Variants in HHLA2 observed in about 807,000 individuals in gnomAD.
The protein encoded by HHLA2 is HERV-H LTR-associating protein 2.
HHLA2 carries 48 observed loss-of-function variants against 45.9 expected under a neutral mutation model. The observed-to-expected ratio is 1.05, with a 90% CI of 0.83 to 1.33. The LOEUF is 1.33. Ranked by LOEUF, HHLA2 falls within the 40% of genes most tolerant of loss-of-function variation. The probability of loss-of-function intolerance (pLI) is 0.00; values close to 1 mark genes in which losing one functional copy is unlikely to be tolerated. For missense variants in HHLA2, 462 were observed against 494.3 expected, an observed-to-expected ratio of 0.93 and a Z score of 0.62; for synonymous variants, 161 against 173.9, an observed-to-expected ratio of 0.93 and a Z score of 0.59.
chr3:108,377,237 G>C (rs2082290464), intron 10 of HHLA2, 21 bp from the exon 10 acceptor site: 2 of 1,468,266 alleles, frequency 1.4e-6, no homozygotes, highest in Non-Finnish European at 1.9e-6. Flanking sequence ...GACATTTAGA[G>C]TCTATTTTTC....
chr3:108,315,838 G>C (rs1002625834), intron 2 of HHLA2, among the ~76,000 whole-genome samples: 1 of 152,316 alleles, frequency 6.6e-6, no homozygotes, highest in Non-Finnish European at 1.5e-5. Context: ...GGCCCTTAAA[G>C]CTACCTCCTT....
intron 8 of HHLA2, among the ~76,000 whole-genome samples, chr3:108,374,551 A>C (rs1191595545): frequency 3.3e-5 from 5 of 151,390 alleles, no homozygotes; most frequent in African/African-American, 1.2e-4. Flanking sequence ...CAACCTACAG[A>C]ATGGGAGAAA....
intron 2 of HHLA2, among the ~76,000 whole-genome samples, chr3:108,321,112 A>AAAAAAAAAAAAAAAAAAAAAAAAAAT (rs1491275001): frequency 1.3e-5 from 2 of 149,612 alleles, no homozygotes; most frequent in African/African-American, 4.9e-5. Flanking sequence ...AAAAAAAAAA[A>AAAAAAAAAAAAAAAAAAAAAAAAAAT]GACTGTGCCA....
chr3:108,299,121 T>A (rs1289057904), intron 1 of HHLA2, among the ~76,000 whole-genome samples: 1 of 152,150 alleles, frequency 6.6e-6, no homozygotes, highest in African/African-American at 2.4e-5. Flanking sequence ...CACTACAATA[T>A]CCTGTCAATT....
intron 2 of HHLA2, among the ~76,000 whole-genome samples, chr3:108,323,217 C>T (rs1413489198): frequency 6.6e-6 from 1 of 152,072 alleles, no homozygotes. Flanking sequence ...GGTAACACAA[C>T]AGGGCGGCTA....
chr3:108,328,125 T>C (rs1167389374), intron 2 of HHLA2: 1 of 486,670 alleles, frequency 2.1e-6, no homozygotes, highest in Non-Finnish European at 3.6e-6. Flanking sequence ...AGAATGAGAC[T>C]CTGTCTCGAA....
chr3:108,373,867 T>A (rs1214333054), intron 8 of HHLA2, among the ~76,000 whole-genome samples: 1 of 151,496 alleles, frequency 6.6e-6, no homozygotes, highest in Non-Finnish European at 1.5e-5. Flanking sequence ...TGCTCATGGG[T>A]AGGAAGAATC....
At chr3:108,347,018 C>A (rs2081673330) in intron 3 of HHLA2, among the ~76,000 whole-genome samples, 1 of 152,146 alleles carries the variant, frequency 6.6e-6, no homozygotes, top group East Asian at 1.9e-4. Flanking sequence ...TGGAATCCAG[C>A]CAAAAGTACC....
At chr3:108,361,900 C>T (rs988151807) in intron 7 of HHLA2, among the ~76,000 whole-genome samples, 8 of 152,296 alleles carry the variant, frequency 5.3e-5, no homozygotes, top group African/African-American at 1.9e-4. Flanking sequence ...AAGGTGAACA[C>T]TGGGCTGAGG....
chr3:108,306,850 A>G (rs1439668152), intron 1 of HHLA2, among the ~76,000 whole-genome samples: 1 of 151,710 alleles, frequency 6.6e-6, no homozygotes, highest in African/African-American at 2.4e-5. Flanking sequence ...TTTTCCTGCT[A>G]CTTTTTTGAA....
intron 3 of HHLA2, among the ~76,000 whole-genome samples, chr3:108,331,597 A>G (rs553687745): frequency 1.3e-5 from 2 of 152,290 alleles, no homozygotes; most frequent in Non-Finnish European, 2.9e-5. Context: ...AATTTTTCCA[A>G]TAGGCCTCAA....
At chr3:108,303,218 A>C (rs2080877708) in intron 1 of HHLA2, among the ~76,000 whole-genome samples, 1 of 152,104 alleles carries the variant, frequency 6.6e-6, no homozygotes. Context: ...TGAGTTCTTG[A>C]CTTCAGGGGC....
chr3:108,310,346 A>G (rs2080998973), intron 1 of HHLA2, among the ~76,000 whole-genome samples: 1 of 152,194 alleles, frequency 6.6e-6, no homozygotes, highest in Admixed American at 6.5e-5. Flanking sequence ...AGAATTCAAA[A>G]TTCATCAAAA....
chr3:108,370,886 A>G (rs1342363320), intron 8 of HHLA2, among the ~76,000 whole-genome samples: 3 of 152,232 alleles, frequency 2.0e-5, no homozygotes, highest in Non-Finnish European at 4.4e-5. Context: ...GAATGGAACC[A>G]AGCTGGAAAA....
At chr3:108,363,960 G>A (rs2082020358) in intron 8 of HHLA2, among the ~76,000 whole-genome samples, 1 of 143,286 alleles carries the variant, frequency 7.0e-6, no homozygotes, top group Admixed American at 7.2e-5. Flanking sequence ...GCCTTGTAAG[G>A]AGAGTGACTT....
At chr3:108,311,096 A>G (rs893912886) in intron 2 of HHLA2, among the ~76,000 whole-genome samples, 2 of 152,150 alleles carry the variant, frequency 1.3e-5, no homozygotes, top group Non-Finnish European at 2.9e-5. Flanking sequence ...AAATTGTTCT[A>G]CTCATAACAA....
intron 2 of HHLA2, among the ~76,000 whole-genome samples, chr3:108,318,283 T>C (rs550507010): frequency 1.3e-5 from 2 of 152,268 alleles, no homozygotes; most frequent in African/African-American, 4.8e-5. Flanking sequence ...TAAAGCAGAA[T>C]AGAATGGTTC....
At chr3:108,357,754 GC>G in intron 6 of HHLA2, 89 bp from the exon 6 acceptor site, 1 of 1,037,384 alleles carries the variant, frequency 9.6e-7, no homozygotes, top group East Asian at 2.4e-5. Flanking sequence ...CAGTATTAGT[GC>G]CTTTGTTCTC....
At chr3:108,340,908 T>TTTTTTCCTTCCTTCC (rs1306101839) in intron 3 of HHLA2, among the ~76,000 whole-genome samples, 1 of 59,450 alleles carries the variant, frequency 1.7e-5, no homozygotes, top group Non-Finnish European at 3.4e-5. Context: ...TTTTTTTTTT[T>TTTTTTCCTTCCTTCC]TTCCTTCCTT....
Sources: allele counts gnomAD v4.1 joint callset (sites outside exome capture counted in the v4.1 genomes callset), GRCh38; gene constraint gnomAD v4.1.1; transcripts MANE v1.5; gene names NCBI Gene and HGNC (gene_info 2026-07-23, HGNC 2026-07-21).